Variants in CELF1 observed in about 807,000 individuals in gnomAD.
The protein encoded by CELF1 is CUGBP Elav-like family member 1, also known as 50 kDa nuclear polyadenylated RNA-binding protein.
A neutral mutation model predicts 61.8 loss-of-function variants in CELF1; 10 were observed. The observed-to-expected ratio is 0.16, with a 90% CI of 0.10 to 0.27. CELF1 has a LOEUF of 0.27. Ranked by LOEUF, CELF1 falls within the 10% of genes least tolerant of loss-of-function variation. CELF1 has a pLI of 1.00. For synonymous variants in CELF1, 236 were observed against 225.1 expected, an observed-to-expected ratio of 1.05 and a Z score of -0.43; for missense variants, 380 against 639.1, an observed-to-expected ratio of 0.59 and a Z score of 4.37.
chr11:47,484,332 C>A (rs995787951), intron 7 of CELF1, 57 bp downstream of exon 7: 2 of 1,571,560 alleles, frequency 1.3e-6, no homozygotes, highest in African/African-American at 2.8e-5. Flanking sequence ...AAAAAAAAAC[C>A]CCAAACCAAA....
chr11:47,556,311 A>G (rs2097205704), upstream of CELF1, among the ~76,000 whole-genome samples: 1 of 152,144 alleles, frequency 6.6e-6, no homozygotes, highest in African/African-American at 2.4e-5. Flanking sequence ...GAACCTTGTG[A>G]GTAGCTGAGA....
intron 1 of CELF1, among the ~76,000 whole-genome samples, chr11:47,545,195 C>G (rs558756715): frequency 9.1e-4 from 138 of 151,782 alleles, no homozygotes; most frequent in Admixed American, 2.8e-3. Flanking sequence ...TTTGGGAAGC[C>G]GAGGTGGGCG....
intron 1 of CELF1, among the ~76,000 whole-genome samples, chr11:47,531,121 C>T (rs1370603471): frequency 6.6e-6 from 1 of 152,050 alleles, no homozygotes; most frequent in Non-Finnish European, 1.5e-5. Flanking sequence ...GTGGTAGATG[C>T]CTGTAATCCC....
At chr11:47,544,406 C>G (rs2096881869) in intron 1 of CELF1, among the ~76,000 whole-genome samples, 1 of 152,186 alleles carries the variant, frequency 6.6e-6, no homozygotes, top group South Asian at 2.1e-4. Context: ...GAGTTGGTAT[C>G]TCCACTTTAA....
At chr11:47,523,537 T>A (rs1482391736) in intron 1 of CELF1, 1 of 152,176 alleles carries the variant, frequency 6.6e-6, no homozygotes, top group Admixed American at 6.6e-5. Context: ...GCAGAAGAGA[T>A]CCCTAAGTGA....
intron 6 of CELF1, among the ~76,000 whole-genome samples, chr11:47,486,535 G>A (rs2087251938): frequency 6.6e-6 from 1 of 151,916 alleles, no homozygotes; most frequent in African/African-American, 2.4e-5. Flanking sequence ...TCAGCCTCCT[G>A]AGTAGCTGGG....
chr11:47,538,892 A>G (rs1220789547), intron 1 of CELF1, among the ~76,000 whole-genome samples: 6 of 152,168 alleles, frequency 3.9e-5, no homozygotes, highest in Admixed American at 3.9e-4. Flanking sequence ...CTCACAGATC[A>G]TTCATGAAGT....
chr11:47,542,107 C>T (rs1033090522), intron 1 of CELF1, among the ~76,000 whole-genome samples: 9 of 152,130 alleles, frequency 5.9e-5, no homozygotes, highest in Non-Finnish European at 1.2e-4. Flanking sequence ...CGGTGGCGTG[C>T]GTCTGTAATT....
At chr11:47,503,889 A>G (rs982180118) in intron 1 of CELF1, among the ~76,000 whole-genome samples, 23 of 152,252 alleles carry the variant, frequency 1.5e-4, no homozygotes, top group African/African-American at 5.3e-4. Flanking sequence ...AGAATAATTT[A>G]CGGGGCAAGA....
chr11:47,476,520 G>A lies in CELF1; in HGVS notation c.1087+326C>T, dbSNP rs567117965. Among the ~76,000 whole-genome samples the A allele has an allele frequency of 2.0e-5, 3 of 152,084 alleles. No homozygotes were observed. In the South Asian group the frequency reaches 6.2e-4, roughly 32 times the overall value. On this transcript the variant is annotated intron_variant, in intron 12 of 14. Transcript: ENST00000687097. ...GGCTCACTGCAACTTCTGCCTCCCC[G>A]GTTCATGCCATTCTCCTGCCTCAGC...
At position 47,482,756 on chromosome 11, in the gene CELF1, C is replaced by G. The variant is rs2084114155; in HGVS notation, c.707G>C (p.Ser236Thr). 1 of 1,613,970 alleles carries G rather than the reference C, an allele frequency of 6.2e-7. No homozygotes were observed. The highest frequency in any genetic ancestry group is 1.3e-5 in the African/African-American group (1 of 74,942). Residue 236 changes from serine (S) to threonine (T), a missense_variant, in exon 9 of 15, where the codon AGC becomes ACC. Physicochemically the swap from Ser to Thr is moderately conservative, Grantham distance 58. Coordinates refer to ENST00000687097, the MANE Select transcript of CELF1 (RefSeq NM_001376376.1). ...QQLQQQMQQI[S>T]AASVWGNLAG... ...AAGGTTTCCCCACACAGATGCTGCGCTGATTTGCTGCATCTGCTGCTGGAG... is the reference window on the plus strand; with the variant it reads ...AAGGTTTCCCCACACAGATGCTGCGGTGATTTGCTGCATCTGCTGCTGGAG...
intron 2 of CELF1, among the ~76,000 whole-genome samples, chr11:47,560,141 A>T (rs1378842053): frequency 6.6e-6 from 1 of 152,150 alleles, no homozygotes; most frequent in East Asian, 1.9e-4. Context: ...CTGTACAAAC[A>T]TTAGCTGGGC....
At chr11:47,529,369 C>T (rs181732147) in intron 1 of CELF1, among the ~76,000 whole-genome samples, 8 of 151,762 alleles carry the variant, frequency 5.3e-5, no homozygotes, top group Admixed American at 2.0e-4. Context: ...GGTAACGTGG[C>T]GAAACCCAAT....
intron 1 of CELF1, among the ~76,000 whole-genome samples, chr11:47,506,598 C>A (rs1256746673): frequency 6.6e-6 from 1 of 152,208 alleles, no homozygotes; most frequent in Non-Finnish European, 1.5e-5. Context: ...ACCGCAACAG[C>A]TGTAAGAACT....
At chr11:47,517,052 G>C (rs1431627572) in intron 1 of CELF1, among the ~76,000 whole-genome samples, 1 of 152,030 alleles carries the variant, frequency 6.6e-6, no homozygotes, top group Non-Finnish European at 1.5e-5. Context: ...TTCCAGACCA[G>C]CCCAGGCAAT....
At chr11:47,525,638 G>A (rs2096200629) in intron 1 of CELF1, among the ~76,000 whole-genome samples, 1 of 152,138 alleles carries the variant, frequency 6.6e-6, no homozygotes, top group Non-Finnish European at 1.5e-5. Context: ...CGGTATCATA[G>A]GGGCTACAGC....
chr11:47,554,123 C>T (rs2097195103), upstream of CELF1, among the ~76,000 whole-genome samples: 1 of 152,104 alleles, frequency 6.6e-6, no homozygotes, highest in East Asian at 1.9e-4. Flanking sequence ...TTATATCCTA[C>T]CTTACCACAA....
chr11:47,522,832 A>G (rs2096015199), intron 1 of CELF1, among the ~76,000 whole-genome samples: 1 of 152,024 alleles, frequency 6.6e-6, no homozygotes, highest in Admixed American at 6.5e-5. Flanking sequence ...TCTCCAGAAA[A>G]AAAAAAAAAA....
chr11:47,510,433 T>C (rs1258355383), intron 1 of CELF1, among the ~76,000 whole-genome samples: 3 of 152,188 alleles, frequency 2.0e-5, no homozygotes, highest in Admixed American at 6.5e-5. Flanking sequence ...TGTGGCACGA[T>C]GATGTTCAAT....
Sources: allele counts gnomAD v4.1 joint callset (sites outside exome capture counted in the v4.1 genomes callset), GRCh38; gene constraint gnomAD v4.1.1; transcripts MANE v1.5; gene names NCBI Gene and HGNC (gene_info 2026-07-23, HGNC 2026-07-21).